The following KCNH5 variants were observed in gnomAD, a reference collection of about 807,000 sequenced individuals.
KCNH5 encodes the protein potassium voltage-gated channel subfamily H member 5.
A neutral mutation model predicts 96.1 loss-of-function variants in KCNH5; 46 were observed. The ratio of observed to expected loss-of-function variants is 0.48; its 90% CI spans 0.38 to 0.61. The LOEUF is 0.61. KCNH5 is among the 20% of genes least tolerant of loss of function. The pLI is 0.00. For synonymous variants in KCNH5, 439 were observed against 449.8 expected, an observed-to-expected ratio of 0.98 and a Z score of 0.30; for missense variants, 907 against 1,225.8, an observed-to-expected ratio of 0.74 and a Z score of 3.88.
At chr14:62,745,995 G>A (rs1275003750) in intron 10 of KCNH5, among the ~76,000 whole-genome samples, 1 of 152,190 alleles carries the variant, frequency 6.6e-6, no homozygotes, top group Non-Finnish European at 1.5e-5. Flanking sequence ...GGGTTTCTGA[G>A]CACCACAAAG....
At chr14:62,832,608 T>C (rs904599937) in intron 8 of KCNH5, among the ~76,000 whole-genome samples, 4 of 152,218 alleles carry the variant, frequency 2.6e-5, no homozygotes, top group African/African-American at 9.6e-5. Context: ...TCGATTCTTT[T>C]GGATAAATAC....
intron 7 of KCNH5, among the ~76,000 whole-genome samples, chr14:62,891,110 G>A (rs1888702543): frequency 6.6e-6 from 1 of 152,106 alleles, no homozygotes; most frequent in Non-Finnish European, 1.5e-5. Context: ...GCACACAACT[G>A]TTCACTGCAG....
intron 6 of KCNH5, among the ~76,000 whole-genome samples, chr14:62,959,421 A>G (rs1450004622): frequency 1.3e-5 from 2 of 152,142 alleles, no homozygotes; most frequent in Non-Finnish European, 2.9e-5. Context: ...ATTTCTCAAA[A>G]TCAGCAAATA....
At chr14:62,903,590 C>G (rs927582257) in intron 7 of KCNH5, among the ~76,000 whole-genome samples, 5 of 152,054 alleles carry the variant, frequency 3.3e-5, no homozygotes, top group Non-Finnish European at 5.9e-5. Context: ...TTCTCTTAGC[C>G]CGTGTAGGAT....
intron 1 of KCNH5, among the ~76,000 whole-genome samples, chr14:63,040,910 A>T (rs1355438345): frequency 6.6e-6 from 1 of 152,086 alleles, no homozygotes; most frequent in Non-Finnish European, 1.5e-5. Flanking sequence ...AGTGGTTCAT[A>T]AAATACTACC....
intron 8 of KCNH5, among the ~76,000 whole-genome samples, chr14:62,818,086 G>A (rs1306918955): frequency 7.6e-6 from 1 of 131,754 alleles, no homozygotes; most frequent in Non-Finnish European, 1.6e-5. Context: ...ACAGGGTAAA[G>A]GGTGGCTACC....
intron 1 of KCNH5, among the ~76,000 whole-genome samples, chr14:63,026,181 A>T (rs1891521060): frequency 6.6e-6 from 1 of 152,014 alleles, no homozygotes; most frequent in South Asian, 2.1e-4. Context: ...ATAAAATTAG[A>T]CGCTCATCTC....
intron 10 of KCNH5, among the ~76,000 whole-genome samples, chr14:62,730,281 T>G (rs1454969817): frequency 6.6e-6 from 1 of 152,222 alleles, no homozygotes; most frequent in South Asian, 2.1e-4. Flanking sequence ...ACAAGAAACG[T>G]GGATAAAGTA....
chr14:62,733,854 C>A (rs1885101479), intron 10 of KCNH5, among the ~76,000 whole-genome samples: 1 of 152,132 alleles, frequency 6.6e-6, no homozygotes, highest in Non-Finnish European at 1.5e-5. Context: ...CACTGGTGCT[C>A]CCCATAGTTC....
chr14:62,995,737 T>C (rs943848578), intron 4 of KCNH5, among the ~76,000 whole-genome samples: 1 of 152,084 alleles, frequency 6.6e-6, no homozygotes, highest in African/African-American at 2.4e-5. Context: ...TTACTCTCAG[T>C]TGATAACTGT....
At chr14:62,897,546 C>T (rs1373201274) in intron 7 of KCNH5, among the ~76,000 whole-genome samples, 2 of 152,048 alleles carry the variant, frequency 1.3e-5, no homozygotes, top group Admixed American at 1.3e-4. Flanking sequence ...AAAAACTGCA[C>T]GGATAAAGAG....
intron 10 of KCNH5, among the ~76,000 whole-genome samples, chr14:62,758,505 T>C (rs1885674869): frequency 6.6e-6 from 1 of 152,242 alleles, no homozygotes; most frequent in Non-Finnish European, 1.5e-5. Flanking sequence ...TCTTTTCTGC[T>C]ACTCTTCTCT....
intron 10 of KCNH5, among the ~76,000 whole-genome samples, chr14:62,724,000 C>T (rs1213365878): frequency 6.6e-6 from 1 of 152,102 alleles, no homozygotes; most frequent in East Asian, 1.9e-4. Context: ...AGTGGCTTTG[C>T]CCTGCCTATT....
At chr14:62,931,849 C>A (rs1045543786) in intron 7 of KCNH5, among the ~76,000 whole-genome samples, 1 of 152,122 alleles carries the variant, frequency 6.6e-6, no homozygotes, top group African/African-American at 2.4e-5. Flanking sequence ...AGGATCCCTG[C>A]AATGAAGGAA....
chr14:62,859,311 T>C (rs563861306), intron 7 of KCNH5, among the ~76,000 whole-genome samples: 1 of 152,150 alleles, frequency 6.6e-6, no homozygotes, highest in Admixed American at 6.5e-5. Context: ...CCTTGGTGAG[T>C]GGAAGTCCAT....
intron 1 of KCNH5, among the ~76,000 whole-genome samples, chr14:63,027,899 T>C (rs1891555217): frequency 6.6e-6 from 1 of 152,112 alleles, no homozygotes. Context: ...TATATACATA[T>C]GTGCAGACAT....
intron 8 of KCNH5, among the ~76,000 whole-genome samples, chr14:62,818,109 C>T (rs56115078): frequency 1.1e-4 from 4 of 36,130 alleles, no homozygotes; most frequent in African/African-American, 2.1e-4. Flanking sequence ...GAGCTGGGGG[C>T]GGGGGGGGGG....
intron 10 of KCNH5, among the ~76,000 whole-genome samples, chr14:62,762,959 C>T (rs939106259): frequency 6.6e-5 from 10 of 152,198 alleles, no homozygotes; most frequent in African/African-American, 1.9e-4. Flanking sequence ...CTTCAACACC[C>T]CACTGATGGT....
At chr14:62,937,643 G>A (rs191514715) in intron 7 of KCNH5, among the ~76,000 whole-genome samples, 1 of 152,296 alleles carries the variant, frequency 6.6e-6, no homozygotes, top group East Asian at 1.9e-4. Flanking sequence ...AAATTGTACA[G>A]GAATTGTTGC....
Sources: gnomAD v4.1 joint callset for allele counts (sites outside exome capture counted in the v4.1 genomes callset) on GRCh38, gnomAD v4.1.1 for gene constraint, MANE v1.5 for transcripts, NCBI Gene and HGNC (gene_info 2026-07-23, HGNC 2026-07-21) for gene names.